Variants in HIVEP3 observed in about 807,000 individuals in gnomAD.
HIVEP3 encodes the protein transcription factor HIVEP3.
A neutral mutation model predicts 152.8 loss-of-function variants in HIVEP3; 49 were observed. The observed-to-expected ratio is 0.32, with a 90% confidence interval of 0.26 to 0.41. The LOEUF is 0.41. Ranked by LOEUF, HIVEP3 falls within the 10% of genes least tolerant of loss-of-function variation. The pLI is 1.00. For missense variants in HIVEP3, 2,790 were observed against 3,103.3 expected, an observed-to-expected ratio of 0.90 and a Z score of 2.40; for synonymous variants, 1,269 against 1,289.0, an observed-to-expected ratio of 0.98 and a Z score of 0.33.
chr1:41,590,813 G>A (rs888481664), intron 3 of HIVEP3, among the ~76,000 whole-genome samples: 6 of 152,110 alleles, frequency 3.9e-5, no homozygotes, highest in Admixed American at 1.3e-4. Flanking sequence ...AGCAAGGTAA[G>A]CATCCAGCCA....
intron 2 of HIVEP3, among the ~76,000 whole-genome samples, chr1:41,671,108 C>T (rs538410836): frequency 2.0e-5 from 3 of 152,202 alleles, no homozygotes; most frequent in African/African-American, 4.8e-5. Context: ...GGCCCCTCCC[C>T]ACCCTGCCTC....
At chr1:41,846,017 T>C (rs908665223) in intron 1 of HIVEP3, among the ~76,000 whole-genome samples, 3 of 152,112 alleles carry the variant, frequency 2.0e-5, no homozygotes, top group East Asian at 1.9e-4. Flanking sequence ...TGAGCCAAGA[T>C]TGCGCCGCTG....
intron 2 of HIVEP3, among the ~76,000 whole-genome samples, chr1:41,650,003 C>A (rs1645522184): frequency 6.6e-6 from 1 of 151,864 alleles, no homozygotes; most frequent in Non-Finnish European, 1.5e-5. Flanking sequence ...AAAGCCTGGC[C>A]GGGAACGGAA....
chr1:42,002,288 G>A (rs1645432526), intron 1 of HIVEP3, among the ~76,000 whole-genome samples: 1 of 151,994 alleles, frequency 6.6e-6, no homozygotes, highest in Admixed American at 6.6e-5. Flanking sequence ...CCAGTGACAG[G>A]GACCCAGATG....
chr1:41,972,077 T>C (rs1273080616), intron 1 of HIVEP3, among the ~76,000 whole-genome samples: 2 of 152,224 alleles, frequency 1.3e-5, no homozygotes, highest in Admixed American at 6.5e-5. Flanking sequence ...ACCTACTCTC[T>C]AGTATTTTAT....
intron 3 of HIVEP3, among the ~76,000 whole-genome samples, chr1:41,626,946 C>A (rs1645126581): frequency 6.6e-6 from 1 of 152,210 alleles, no homozygotes; most frequent in African/African-American, 2.4e-5. Flanking sequence ...AACTACTGAA[C>A]CTCTCTGTGC....
intron 1 of HIVEP3, among the ~76,000 whole-genome samples, chr1:41,900,031 T>G (rs1644595218): frequency 1.3e-5 from 2 of 152,324 alleles, no homozygotes; most frequent in African/African-American, 4.8e-5. Flanking sequence ...GGAAGTCCAG[T>G]GCTTGTGAGA....
Position 41,567,235 on chromosome 1 carries a change from A to G in HIVEP3, c.5207+8309T>C, listed in dbSNP as rs561615498. Among the ~76,000 whole-genome samples, 10 of 152,356 alleles carry G rather than the reference A, an allele frequency of 6.6e-5. No homozygotes were observed. In the South Asian group the frequency reaches 2.1e-3, roughly 32 times the overall value. On this transcript the variant is annotated intron_variant, in intron 5 of 8. Transcript: ENST00000372583. Reference sequence around the variant, plus strand: ...AGTGGAGGCTTCTCTCTCAGCCTCCATAGTCATCAGAAGTCCTATAGCTCC... The same window carrying G: ...AGTGGAGGCTTCTCTCTCAGCCTCCGTAGTCATCAGAAGTCCTATAGCTCC...
intron 1 of HIVEP3, among the ~76,000 whole-genome samples, chr1:41,878,372 C>A (rs1644204295): frequency 6.6e-6 from 1 of 152,114 alleles, no homozygotes; most frequent in African/African-American, 2.4e-5. Context: ...ATATGAGGGT[C>A]CTGCTGTATT....
At position 41,664,972 on chromosome 1, in the gene HIVEP3, C is replaced by T. The variant is rs1472285271; in HGVS notation, c.-721+35944G>A. Among the ~76,000 whole-genome samples the T allele has an allele frequency of 6.6e-6, 1 of 152,228 alleles. No individual in the cohort carries two copies. The highest frequency in any genetic ancestry group is 1.5e-5 in the Non-Finnish European group (1 of 68,040). On this transcript the variant is annotated intron_variant, in intron 2 of 8. Transcript: ENST00000372583. The surrounding 1 kb of genome is among the most constrained non-coding windows in gnomAD (Gnocchi z 4.4). ...TTTCATTGTACCAGACACAGTCAGA[C>T]TGGATGCCCCTGAGCCTTCCAAGCC... is the stretch of plus-strand genomic sequence containing the variant.
At chr1:41,561,092 C>T (rs1644053290) in intron 5 of HIVEP3, among the ~76,000 whole-genome samples, 1 of 152,202 alleles carries the variant, frequency 6.6e-6, no homozygotes, top group African/African-American at 2.4e-5. Context: ...GGATTTAGTG[C>T]CAAGCTCTGC....
chr1:41,579,621 C>G, intron 4 of HIVEP3, 116 bp downstream of exon 4: 1 of 1,224,462 alleles, frequency 8.2e-7, no homozygotes, highest in Non-Finnish European at 1.1e-6. Flanking sequence ...GAGAGGAAAT[C>G]TGACTACTAG....
Position 41,628,817 on chromosome 1 carries a change from G to A in HIVEP3, c.-590C>T. On this transcript the variant is annotated 5_prime_UTR_variant, in exon 3 of 9. Coordinates refer to ENST00000372583, the MANE Select transcript of HIVEP3 (RefSeq NM_024503.5). ...GTTCTCTCTGAAAGCCAGCATTCAT[G>A]TCCACTCCTACGGCAGCCACCCTCC... The A allele has an allele frequency of 8.1e-7, 1 of 1,232,152 alleles. No individual in the cohort carries two copies. The highest frequency in any genetic ancestry group is 1.6e-5 in the African/African-American group (1 of 64,498). 76.3% of individuals were successfully genotyped at this position (1,232,152 alleles called of 1,614,324 possible). A position where few individuals can be genotyped will look rare whatever the true frequency, so the allele number is the denominator to read the frequency against.
intron 2 of HIVEP3, among the ~76,000 whole-genome samples, chr1:41,693,497 G>A (rs1015392857): frequency 3.9e-5 from 6 of 152,046 alleles, no homozygotes; most frequent in South Asian, 2.1e-4. Context: ...CCATTTTTCC[G>A]CTGGCAATTT....
intron 1 of HIVEP3, among the ~76,000 whole-genome samples, chr1:41,717,650 T>C (rs1404558896): frequency 6.6e-6 from 1 of 152,186 alleles, no homozygotes; most frequent in Admixed American, 6.5e-5. Flanking sequence ...TGACTCCTTG[T>C]CTAGTGCTCT....
chr1:41,722,651 T>C (rs1385513660), intron 1 of HIVEP3, among the ~76,000 whole-genome samples: 1 of 151,522 alleles, frequency 6.6e-6, no homozygotes, highest in African/African-American at 2.4e-5. Context: ...AGCAGGACAG[T>C]CTCTATTCTG....
At chr1:42,022,069 G>A (rs958334074) in intron 1 of HIVEP3, among the ~76,000 whole-genome samples, 2 of 152,180 alleles carry the variant, frequency 1.3e-5, no homozygotes, top group Non-Finnish European at 2.9e-5. Flanking sequence ...GGAGAAGAGC[G>A]AATGCTGCTG....
intron 1 of HIVEP3, among the ~76,000 whole-genome samples, chr1:41,825,408 C>A (rs560287217): frequency 6.6e-6 from 1 of 152,014 alleles, no homozygotes; most frequent in African/African-American, 2.4e-5. Flanking sequence ...GAGGACCTTA[C>A]AACAGGTGCT....
At position 41,581,513 on chromosome 1, in the gene HIVEP3, A is replaced by T; in HGVS notation, c.3285T>A (p.His1095Gln). ...LSQISSAATS[H>Q]GGPPGGKGPG... ...GGCCCTTGCCTCCCGGGGGTCCACC[A>T]TGTGAGGTGGCCGCAGAGGAAATCT... The change falls in exon 4 of 9, where the codon CAT becomes CAA. Residue 1095 changes from histidine (H) to glutamine (Q), a missense_variant. Coordinates refer to ENST00000372583, the MANE Select transcript of HIVEP3 (RefSeq NM_024503.5). This position sits in a 1 kb window ranked among gnomAD's most constrained non-coding sequence, Gnocchi z 4.5. The T allele has an allele frequency of 6.3e-7, 1 of 1,585,056 alleles. No individual in the cohort carries two copies. The highest frequency in any genetic ancestry group is 1.2e-5 in the South Asian group (1 of 84,998).
Sources: allele counts gnomAD v4.1 joint callset (sites outside exome capture counted in the v4.1 genomes callset), GRCh38; gene constraint gnomAD v4.1.1; non-coding constraint Gnocchi (gnomAD v3.1); transcripts MANE v1.5; gene names NCBI Gene and HGNC (gene_info 2026-07-23, HGNC 2026-07-21).